LPP: variants seen among roughly 807,000 people sequenced by gnomAD.
LPP encodes LIM domain containing preferred translocation partner in lipoma, also known as lipoma-preferred partner.
LPP carries 38 observed loss-of-function variants against 60.4 expected under a neutral mutation model. The ratio of observed to expected loss-of-function variants is 0.63; its 90% CI spans 0.49 to 0.83. The LOEUF (loss-of-function observed/expected upper bound fraction) is 0.83, where lower values mean the gene tolerates loss of function less well. Ranked by LOEUF, LPP falls within the 40% of genes least tolerant of loss-of-function variation. The pLI, the probability that LPP is intolerant of heterozygous loss-of-function variation, is 0.00. For missense variants in LPP, 902 were observed against 783.6 expected, an observed-to-expected ratio of 1.15 and a Z score of -1.80; for synonymous variants, 328 against 290.8, an observed-to-expected ratio of 1.13 and a Z score of -1.30.
intron 3 of LPP, among the ~76,000 whole-genome samples, chr3:188,348,442 G>A (rs1233448804): frequency 2.0e-5 from 3 of 152,134 alleles, no homozygotes; most frequent in African/African-American, 2.4e-5. Flanking sequence ...GCCACCGTGC[G>A]TGGCTGAAAC....
intron 4 of LPP, among the ~76,000 whole-genome samples, chr3:188,422,913 T>TTTGTG (rs1553893974): frequency 3.0e-5 from 4 of 133,806 alleles, no homozygotes; most frequent in Admixed American, 2.3e-4. Flanking sequence ...GGTGTCTTCT[T>TTTGTG]TGTGTGTGTG....
At chr3:188,250,726 CTT>C (rs772527332) in intron 2 of LPP, among the ~76,000 whole-genome samples, 1,254 of 26,506 alleles carry the variant, frequency 0.047, 16 homozygotes, top group Non-Finnish European at 0.07. Context: ...TTCTTTCTCT[CTT>C]TCTTTCTTTC....
intron 7 of LPP, among the ~76,000 whole-genome samples, chr3:188,623,027 TAAAAAAAA>T (rs747020083): frequency 2.5e-5 from 2 of 79,462 alleles, no homozygotes; most frequent in Non-Finnish European, 5.0e-5. Context: ...GACTCCATCT[TAAAAAAAA>T]AAAAAAAAAA....
At chr3:188,403,062 A>G (rs1408635758) in intron 3 of LPP, among the ~76,000 whole-genome samples, 1 of 152,178 alleles carries the variant, frequency 6.6e-6, no homozygotes, top group Non-Finnish European at 1.5e-5. Context: ...AAGAATGGTA[A>G]GAGAAGATAC....
At chr3:188,743,142 G>A (rs1035325422) in intron 8 of LPP, among the ~76,000 whole-genome samples, 1 of 151,966 alleles carries the variant, frequency 6.6e-6, no homozygotes, top group African/African-American at 2.4e-5. Context: ...TTTTTCTGAG[G>A]GAAATATCTT....
At chr3:188,495,861 T>G (rs1810036452) in intron 5 of LPP, among the ~76,000 whole-genome samples, 1 of 152,166 alleles carries the variant, frequency 6.6e-6, no homozygotes, top group Non-Finnish European at 1.5e-5. Context: ...ACCAAAAACC[T>G]AGGGCACTAA....
chr3:188,603,884 C>T (rs1841921627), intron 6 of LPP, among the ~76,000 whole-genome samples: 1 of 152,068 alleles, frequency 6.6e-6, no homozygotes, highest in Admixed American at 6.6e-5. Context: ...TTCTCTATGG[C>T]CTCAATTGTA....
intron 9 of LPP, among the ~76,000 whole-genome samples, chr3:188,762,135 G>C (rs1163303953): frequency 6.6e-6 from 1 of 152,176 alleles, no homozygotes; most frequent in Admixed American, 6.5e-5. Flanking sequence ...TTGTTAGCTT[G>C]AAATCATATA....
chr3:188,859,445 A>G (rs1429560334), intron 9 of LPP, among the ~76,000 whole-genome samples: 4 of 152,168 alleles, frequency 2.6e-5, no homozygotes, highest in Admixed American at 6.5e-5. Context: ...TCGTGCCTCA[A>G]TGATAGCAAT....
intron 2 of LPP, among the ~76,000 whole-genome samples, chr3:188,236,776 GT>G: frequency 6.6e-6 from 1 of 152,294 alleles, no homozygotes; most frequent in African/African-American, 2.4e-5. Flanking sequence ...CTTTCAGTGA[GT>G]CCTGCTTTTG....
At chr3:188,521,814 C>T (rs1042666011) in intron 5 of LPP, among the ~76,000 whole-genome samples, 1 of 152,096 alleles carries the variant, frequency 6.6e-6, no homozygotes, top group Non-Finnish European at 1.5e-5. Context: ...GCAGACAACA[C>T]TCTACCACCC....
chr3:188,438,896 C>T (rs552092515), intron 4 of LPP, among the ~76,000 whole-genome samples: 6 of 152,158 alleles, frequency 3.9e-5, no homozygotes, highest in African/African-American at 1.4e-4. Flanking sequence ...AAGTTTAAAA[C>T]AAGGAATAAT....
intron 9 of LPP, among the ~76,000 whole-genome samples, chr3:188,818,078 TTAGAAGTAACG>T (rs763579479): frequency 2.0e-5 from 3 of 152,160 alleles, no homozygotes; most frequent in Non-Finnish European, 4.4e-5. Flanking sequence ...TTACAGAATG[TTAGAAGTAACG>T]GGTGCATATC....
chr3:188,849,271 G>T (rs1444724789), intron 9 of LPP, among the ~76,000 whole-genome samples: 1 of 152,074 alleles, frequency 6.6e-6, no homozygotes, highest in African/African-American at 2.4e-5. Context: ...ATAGCTGCAA[G>T]GACGACTGGG....
chr3:188,739,539 G>A (rs1723684749), intron 8 of LPP, among the ~76,000 whole-genome samples: 1 of 152,048 alleles, frequency 6.6e-6, no homozygotes, highest in Non-Finnish European at 1.5e-5. Flanking sequence ...TTATAATGAA[G>A]GGCTTTTAAT....
At chr3:188,273,369 G>A in intron 2 of LPP, among the ~76,000 whole-genome samples, 1 of 152,078 alleles carries the variant, frequency 6.6e-6, no homozygotes, top group South Asian at 2.1e-4. Context: ...CTTATTTAAG[G>A]CAATGAAGAA....
At chr3:188,750,093 A>ATC (rs1727593504) in intron 8 of LPP, among the ~76,000 whole-genome samples, 1 of 152,046 alleles carries the variant, frequency 6.6e-6, no homozygotes, top group Admixed American at 6.6e-5. Flanking sequence ...GCTTTGTGCT[A>ATC]CCTCCTCACA....
rs1388317207 is a variant in LPP at position 188,804,277 on chromosome 3, A to ATATATATATATATATG, written c.1410+44001_1410+44002insTATATATATGTATATA. On this transcript the variant is annotated intron_variant, in intron 9 of 11. Coordinates refer to ENST00000617246, the MANE Select transcript of LPP (RefSeq NM_001375462.1). ...TATATATATATATATATATATATAT[A>ATATATATATATATATG]TATATAAAATGGAATACAATTCAGC... 7.3e-4 allele frequency among the ~76,000 whole-genome samples: 92 copies of ATATATATATATATATG among 126,130 alleles called. 1 individual carries two copies. Among genetic ancestry groups the ATATATATATATATATG allele is most frequent in the Admixed American group, 6.1e-3 (70 of 11,428 alleles). 82.7% of individuals were successfully genotyped at this position (126,130 alleles called of 152,430 possible).
intron 2 of LPP, among the ~76,000 whole-genome samples, chr3:188,254,773 C>A (rs764716745): frequency 9.2e-5 from 14 of 152,118 alleles, no homozygotes; most frequent in Admixed American, 3.9e-4. Flanking sequence ...TGGAACTGAA[C>A]GATCAAAATC....
Sources: gnomAD v4.1 joint callset for allele counts (sites outside exome capture counted in the v4.1 genomes callset) on GRCh38, gnomAD v4.1.1 for gene constraint, MANE v1.5 for transcripts, NCBI Gene and HGNC (gene_info 2026-07-23, HGNC 2026-07-21) for gene names.